Variants in CACNA1D observed in about 807,000 individuals in gnomAD.
CACNA1D encodes the protein voltage-dependent L-type calcium channel subunit alpha-1D.
In CACNA1D, 55 loss-of-function variants were observed where a neutral mutation model predicts 257.1. That is an observed-to-expected ratio of 0.21 (90% CI 0.17 to 0.27). The LOEUF (loss-of-function observed/expected upper bound fraction) is 0.27. Among genes scored for constraint, CACNA1D ranks in the 10% least tolerant of loss-of-function variants. The pLI, the probability that CACNA1D is intolerant of heterozygous loss-of-function variation, is 1.00. For synonymous variants in CACNA1D, 980 were observed against 1,014.9 expected (o/e 0.97, Z 0.65); for missense variants, 1,876 against 2,784.0 (o/e 0.67, Z 7.34).
chr3:53,541,030 C>T (rs969433028), intron 3 of CACNA1D, among the ~76,000 whole-genome samples: 2 of 152,162 alleles, frequency 1.3e-5, no homozygotes, highest in African/African-American at 4.8e-5. Flanking sequence ...GCGTGAGCCA[C>T]TGTGCGCGGC....
intron 3 of CACNA1D, among the ~76,000 whole-genome samples, chr3:53,591,176 G>C (rs2093298799): frequency 6.6e-6 from 1 of 151,990 alleles, no homozygotes; most frequent in Non-Finnish European, 1.5e-5. Context: ...TATTCTCTCT[G>C]TCTGGAATAC....
intron 3 of CACNA1D, among the ~76,000 whole-genome samples, chr3:53,598,778 A>C (rs2093404476): frequency 6.6e-6 from 1 of 152,158 alleles, no homozygotes; most frequent in African/African-American, 2.4e-5. Context: ...TTGGTTAATT[A>C]ATGGAGGCTG....
At chr3:53,502,543 A>G (rs1432054318) in intron 3 of CACNA1D, among the ~76,000 whole-genome samples, 1 of 150,220 alleles carries the variant, frequency 6.7e-6, no homozygotes, top group Non-Finnish European at 1.5e-5. Context: ...GGAAAGGTTG[A>G]TATAGTTTTT....
Position 53,811,485 on chromosome 3 carries a change from A to G in CACNA1D, c.*79A>G. ...GGGGAAAAGTGCCTCATAGTTAGGA[A>G]AGTTTAGGCACTAGTTGGGAGTAAT... On this transcript the variant is annotated 3_prime_UTR_variant, in exon 48 of 48. Transcript: ENST00000350061. The surrounding 1 kb of genome is among the most constrained non-coding windows in gnomAD (Gnocchi z 4.2). The G allele has an allele frequency of 1.7e-6, 2 of 1,190,548 alleles. No homozygotes were observed. Among genetic ancestry groups the G allele is most frequent in the Admixed American group, 2.8e-5 (1 of 35,614 alleles). 73.7% of individuals were successfully genotyped at this position (1,190,548 alleles called of 1,614,324 possible).
intron 3 of CACNA1D, among the ~76,000 whole-genome samples, chr3:53,607,554 C>T (rs55999888): frequency 0.24 from 36,735 of 152,120 alleles, 5,057 homozygotes; most frequent in Middle Eastern, 0.37. Flanking sequence ...AGAAGGACCC[C>T]CAGCTGTGAC....
chr3:53,608,411 A>C (rs2093540913), intron 3 of CACNA1D, among the ~76,000 whole-genome samples: 1 of 152,198 alleles, frequency 6.6e-6, no homozygotes, highest in South Asian at 2.1e-4. Flanking sequence ...CATATAGATC[A>C]TGTCATTTGT....
intron 27 of CACNA1D, among the ~76,000 whole-genome samples, chr3:53,750,827 G>C (rs533956697): frequency 6.6e-6 from 1 of 152,206 alleles, no homozygotes; most frequent in Admixed American, 6.5e-5. Flanking sequence ...GCAGGAGAGC[G>C]GGGGTAGGTC....
rs1019910164 is a variant in CACNA1D, at chr3:53,800,047, C to A, written c.4924-202C>A. On this transcript the variant is annotated intron_variant, in intron 40 of 47. Transcript: ENST00000350061. The surrounding 1 kb of genome is among the most constrained non-coding windows in gnomAD (Gnocchi z 4.3). ...GGGTTGCAGGCCTCAGGCATCCTAC[C>A]TAGGACCTTCTTGACCCTCTGGATG... The A allele has an allele frequency of 1.8e-5, 12 of 678,940 alleles. No homozygotes were observed. Among genetic ancestry groups the A allele is most frequent in the African/African-American group, 3.5e-5 (2 of 56,568 alleles). The allele number at this position is 678,940 out of a possible 1,614,324, so 42.1% of individuals were successfully genotyped here.
At chr3:53,542,414 T>C (rs1399995618) in intron 3 of CACNA1D, among the ~76,000 whole-genome samples, 4 of 151,704 alleles carry the variant, frequency 2.6e-5, no homozygotes, top group African/African-American at 9.7e-5. Flanking sequence ...ACTTTGTCTC[T>C]ACAAAAATAA....
intron 3 of CACNA1D, among the ~76,000 whole-genome samples, chr3:53,639,376 T>TTC (rs1286413981): frequency 2.6e-5 from 4 of 151,730 alleles, no homozygotes; most frequent in African/African-American, 9.7e-5. Flanking sequence ...GAAATGAGAT[T>TTC]TCTCTCTCTC....
chr3:53,790,209 A>G (rs1377943181), intron 40 of CACNA1D, among the ~76,000 whole-genome samples: 1 of 152,196 alleles, frequency 6.6e-6, no homozygotes, highest in East Asian at 1.9e-4. Context: ...ACGAGGGGCA[A>G]ATAAATAAAG....
At chr3:53,505,450 G>A (rs1374483717) in intron 3 of CACNA1D, among the ~76,000 whole-genome samples, 2 of 152,162 alleles carry the variant, frequency 1.3e-5, no homozygotes, top group Admixed American at 6.5e-5. Context: ...TCAAAATACA[G>A]TTAATAGTGA....
At chr3:53,609,409 CAA>C (rs33943272) in intron 3 of CACNA1D, among the ~76,000 whole-genome samples, 13,807 of 79,814 alleles carry the variant, frequency 0.17, 779 homozygotes, top group African/African-American at 0.31. Flanking sequence ...GACTCTACCT[CAA>C]AAAAAAAAAA....
chr3:53,777,013 A>G lies in CACNA1D; in HGVS notation c.4587+57A>G. 7 of 1,326,562 alleles carry G rather than the reference A, an allele frequency of 5.3e-6. No homozygotes were observed. In the South Asian group the frequency reaches 8.3e-5, roughly 16 times the overall value. 82.2% of individuals were successfully genotyped at this position (1,326,562 alleles called of 1,614,324 possible). A position where few individuals can be genotyped will look rare whatever the true frequency, so the allele number is the denominator to read the frequency against. On this transcript the variant is annotated intron_variant, in intron 37 of 47. Coordinates refer to ENST00000350061, the MANE Select transcript of CACNA1D (RefSeq NM_001128840.3). ...GTCTTGTAGAAGCTTGCTTCATTTAACAAACACTTGTTAAGTGACACAGCC... is the reference window on the plus strand; with the variant it reads ...GTCTTGTAGAAGCTTGCTTCATTTAGCAAACACTTGTTAAGTGACACAGCC...
intron 39 of CACNA1D, chr3:53,782,264 G>GTGTATATATATATATATA (rs6147823): frequency 1.5e-3 from 115 of 75,418 alleles, no homozygotes; most frequent in East Asian, 7.5e-3. Flanking sequence ...GTGTGTGTGT[G>GTGTATATATATATATATA]TATATATATA....
At chr3:53,737,762 G>A (rs2095072900) in intron 20 of CACNA1D, among the ~76,000 whole-genome samples, 1 of 152,242 alleles carries the variant, frequency 6.6e-6, no homozygotes, top group Non-Finnish European at 1.5e-5. Flanking sequence ...GGCGGAGGTT[G>A]CAGTGAACTG....
intron 8 of CACNA1D, among the ~76,000 whole-genome samples, chr3:53,695,436 C>T (rs1017052383): frequency 2.5e-4 from 38 of 152,292 alleles, no homozygotes; most frequent in African/African-American, 8.7e-4. Context: ...CCTCTCTTCT[C>T]CATCCCTCCT....
chr3:53,801,068 C>T lies in CACNA1D; in HGVS notation c.5051C>T (p.Ala1684Val). The T allele has an allele frequency of 1.2e-6, 2 of 1,613,734 alleles. No individual in the cohort carries two copies. The highest frequency in any genetic ancestry group is 1.7e-6 in the Non-Finnish European group (2 of 1,179,734). Residue 1684 changes from alanine to valine, a missense_variant, in exon 42 of 48, where the codon GCC (alanine) becomes GTC (valine). Transcript: ENST00000350061. ...CCCATTATTTTGCAGAGAAATGGTGCCCTGCTTGGAAACCATGTCAATCAT... is the reference window on the plus strand; with the variant it reads ...CCCATTATTTTGCAGAGAAATGGTGTCCTGCTTGGAAACCATGTCAATCAT... ...EEDDVFKRNG[A>V]LLGNHVNHVN... is the part of the protein sequence containing the mutation.
chr3:53,665,825 A>T lies in CACNA1D; in HGVS notation c.919+13A>T, dbSNP rs1354360242. The stretch of plus-strand genomic sequence containing the variant: ...TTTGCTGACTCAGGTGAGTAATGAG[A>T]ATTGTAGCTAACTTAACTTTAAAAT... On this transcript the variant is annotated intron_variant, in intron 6 of 47. Coordinates refer to ENST00000350061, the MANE Select transcript of CACNA1D (RefSeq NM_001128840.3). The T allele has an allele frequency of 6.2e-7, 1 of 1,608,242 alleles. No individual in the cohort carries two copies. The highest frequency in any genetic ancestry group is 8.5e-7 in the Non-Finnish European group (1 of 1,176,030).
Sources: allele counts gnomAD v4.1 joint callset (sites outside exome capture counted in the v4.1 genomes callset), GRCh38; gene constraint gnomAD v4.1.1; non-coding constraint Gnocchi (gnomAD v3.1); transcripts MANE v1.5; gene names NCBI Gene and HGNC (gene_info 2026-07-23, HGNC 2026-07-21).